TMEM100: variants seen among roughly 807,000 people sequenced by gnomAD.
TMEM100 encodes transmembrane protein 100.
For missense variants in TMEM100, 137 were observed against 168.2 expected, an observed-to-expected ratio of 0.81 and a Z score of 1.02; for synonymous variants, 61 against 67.1, an observed-to-expected ratio of 0.91 and a Z score of 0.44.
chr17:55,720,496 A>T lies in TMEM100; in HGVS notation c.*170T>A. 1.2e-6 allele frequency: 1 copy of T among 835,762 alleles called. No homozygotes were observed. The highest frequency in any genetic ancestry group is 1.9e-5 in the South Asian group (1 of 52,590). The allele number at this position is 835,762 out of a possible 1,614,324, so 51.8% of individuals were successfully genotyped here. A position where few individuals can be genotyped will look rare whatever the true frequency, so the allele number is the denominator to read the frequency against. ...TTAGGGTTAAGTTTGTCGTTAAAGA[A>T]GACATGAGTCATTCCTCACAAAGGA... On this transcript the variant is annotated 3_prime_UTR_variant, in exon 2 of 2. Coordinates refer to ENST00000424486, the MANE Select transcript of TMEM100 (RefSeq NM_018286.3).
chr17:55,730,089 T>C (rs1273568030), intron 1 of TMEM100, among the ~76,000 whole-genome samples: 1 of 152,198 alleles, frequency 6.6e-6, no homozygotes, highest in Non-Finnish European at 1.5e-5. Flanking sequence ...TTTTGGAATG[T>C]CCTGTTTTGG....
At chr17:55,728,815 G>C (rs1909133623) in intron 1 of TMEM100, among the ~76,000 whole-genome samples, 2 of 152,134 alleles carry the variant, frequency 1.3e-5, no homozygotes, top group Admixed American at 6.6e-5. Context: ...TAGGGGGTAG[G>C]GGGTGGTGGA....
At position 55,720,568 on chromosome 17, in the gene TMEM100, G is replaced by A. The variant is rs531835496; in HGVS notation, c.*98C>T. On this transcript the variant is annotated 3_prime_UTR_variant, in exon 2 of 2. Coordinates refer to ENST00000424486, the MANE Select transcript of TMEM100 (RefSeq NM_018286.3). The stretch of plus-strand genomic sequence containing the variant: ...CCCCATTCTTCCAGTCTGCTCCAAC[G>A]CCAAGTCTGTTCTCTCCCACCATGG... 10 of 928,886 alleles carry A rather than the reference G, an allele frequency of 1.1e-5. No individual in the cohort carries two copies. The East Asian group carries it at 1.5e-4, about 14-fold the overall frequency. 57.5% of individuals were successfully genotyped at this position (928,886 alleles called of 1,614,324 possible).
chr17:55,722,353 C>A (rs1792511493), intron 1 of TMEM100, among the ~76,000 whole-genome samples: 1 of 152,170 alleles, frequency 6.6e-6, no homozygotes, highest in African/African-American at 2.4e-5. Context: ...AAATTCAACT[C>A]CAAATCAAAC....
At chr17:55,723,119 C>T (rs1239115030), upstream of TMEM100, 1 of 152,516 alleles carries the variant, frequency 6.6e-6, no homozygotes, top group African/African-American at 2.4e-5. Context: ...ATTTTTTCCC[C>T]CGCCGACCTC....
chr17:55,724,415 A>C (rs1909007730), upstream of TMEM100, among the ~76,000 whole-genome samples: 1 of 152,218 alleles, frequency 6.6e-6, no homozygotes, highest in Non-Finnish European at 1.5e-5. Flanking sequence ...TCACACTTTA[A>C]AAATGTCAGA....
chr17:55,724,633 T>C (rs530393369), upstream of TMEM100, among the ~76,000 whole-genome samples: 3 of 152,318 alleles, frequency 2.0e-5, no homozygotes, highest in South Asian at 6.2e-4. Flanking sequence ...TTGAGGGCAA[T>C]TCCCCTCTAT....
chr17:55,721,374 T>G (rs189103262), intron 1 of TMEM100: 283 of 288,084 alleles, frequency 9.8e-4, no homozygotes, highest in African/African-American at 5.3e-3. Context: ...TAATATACCC[T>G]GGCGGTCTAC....
At chr17:55,726,889 A>G (rs1567923393), upstream of TMEM100, among the ~76,000 whole-genome samples, 1 of 152,172 alleles carries the variant, frequency 6.6e-6, no homozygotes, top group East Asian at 1.9e-4. Context: ...GGTCTAGGAC[A>G]TTAAATAGAG....
chr17:55,722,356 A>C (rs1316696553), intron 1 of TMEM100, among the ~76,000 whole-genome samples: 1 of 152,224 alleles, frequency 6.6e-6, no homozygotes, highest in African/African-American at 2.4e-5. Context: ...TTCAACTCCA[A>C]ATCAAACCTC....
chr17:55,724,198 G>A (rs1253158366), upstream of TMEM100, among the ~76,000 whole-genome samples: 2 of 152,202 alleles, frequency 1.3e-5, no homozygotes, highest in African/African-American at 2.4e-5. Flanking sequence ...CAAACATCTC[G>A]CCTCTCCTCT....
At chr17:55,728,205 G>A (rs905998951) in intron 1 of TMEM100, among the ~76,000 whole-genome samples, 1 of 152,150 alleles carries the variant, frequency 6.6e-6, no homozygotes, top group African/African-American at 2.4e-5. Context: ...GCAGAGCCAG[G>A]TTTCAAATCT....
chr17:55,730,721 G>T (rs1198313742), intron 1 of TMEM100, among the ~76,000 whole-genome samples: 1 of 152,196 alleles, frequency 6.6e-6, no homozygotes, highest in Non-Finnish European at 1.5e-5. Context: ...TTCACGATGT[G>T]TGTGGGTAGT....
intron 1 of TMEM100, among the ~76,000 whole-genome samples, chr17:55,728,502 C>T (rs1287310258): frequency 2.0e-5 from 3 of 152,122 alleles, no homozygotes; most frequent in Non-Finnish European, 4.4e-5. Context: ...CTGGTACCTG[C>T]GGAATCCGTG....
At chr17:55,726,522 T>C (rs778830222), upstream of TMEM100, among the ~76,000 whole-genome samples, 4 of 152,224 alleles carry the variant, frequency 2.6e-5, no homozygotes, top group Non-Finnish European at 4.4e-5. Flanking sequence ...TTGTGAAGCA[T>C]GCCCCCATGT....
upstream of TMEM100, among the ~76,000 whole-genome samples, chr17:55,723,843 AC>A (rs1293950094): frequency 6.6e-6 from 1 of 152,212 alleles, no homozygotes; most frequent in Admixed American, 6.5e-5. Flanking sequence ...GACACATCAT[AC>A]TTAAACAATA....
intron 1 of TMEM100, among the ~76,000 whole-genome samples, chr17:55,729,193 C>T (rs1909142318): frequency 6.6e-6 from 1 of 152,168 alleles, no homozygotes; most frequent in East Asian, 1.9e-4. Context: ...AGAGGGAAAG[C>T]AGGTTGAGAC....
At chr17:55,725,701 A>ATATG (rs71363812), upstream of TMEM100, among the ~76,000 whole-genome samples, 165 of 139,678 alleles carry the variant, frequency 1.2e-3, no homozygotes, top group Non-Finnish European at 2.1e-3. Flanking sequence ...ACCCATATAT[A>ATATG]TGTGTGTGTG....
upstream of TMEM100, among the ~76,000 whole-genome samples, chr17:55,723,257 C>T (rs1479116797): frequency 6.6e-6 from 1 of 152,078 alleles, no homozygotes; most frequent in Non-Finnish European, 1.5e-5. Flanking sequence ...GTGAAGTCAT[C>T]AGGCAGCTGA....
Sources: gnomAD v4.1 joint callset for allele counts (sites outside exome capture counted in the v4.1 genomes callset) on GRCh38, gnomAD v4.1.1 for gene constraint, MANE v1.5 for transcripts, NCBI Gene and HGNC (gene_info 2026-07-23, HGNC 2026-07-21) for gene names.